The following ALAS1 variants were observed in gnomAD, a reference collection of about 807,000 sequenced individuals.
ALAS1 encodes 5-aminolevulinate synthase, non-specific, mitochondrial.
ALAS1 carries 29 observed loss-of-function variants against 59.6 expected under a neutral mutation model. The ratio of observed to expected loss-of-function variants is 0.49; its 90% CI spans 0.36 to 0.66. ALAS1 has a LOEUF of 0.66. ALAS1 is among the 30% of genes least tolerant of loss of function. The pLI is 0.00. For missense variants in ALAS1, 690 were observed against 807.5 expected (o/e 0.85, Z 1.76); for synonymous variants, 299 against 296.6 (o/e 1.01, Z -0.08).
chr3:52,203,825 A>C (rs752086863), intron 4 of ALAS1, 38 bp from the exon 5 acceptor site: 104 of 1,544,994 alleles, frequency 6.7e-5, no homozygotes, highest in Non-Finnish European at 2.9e-5. Flanking sequence ...TCAGAATAGA[A>C]AGTTGGTCCC....
chr3:52,203,991 C>T lies in ALAS1; in HGVS notation c.556C>T (p.Leu186Phe). 6.2e-7 allele frequency: 1 copy of T among 1,606,480 alleles called. No homozygotes were observed. The highest frequency in any genetic ancestry group is 8.5e-7 in the Non-Finnish European group (1 of 1,176,940). The part of the protein sequence containing the change: ...KQRPERVSHL[L>F]QDNLPKSVST... The stretch of plus-strand genomic sequence containing the variant: ...AAGACCAGAAAGAGTGTCTCATCTT[C>T]TTCAAGATAACTTGCCAAAATGTAA... Residue 186 changes from leucine to phenylalanine, a missense_variant, in exon 5 of 12, where the codon CTT becomes TTT. By Grantham distance (22) the Leu-to-Phe change is conservative (BLOSUM62 0). Transcript: ENST00000484952.
chr3:52,210,754 G>A (rs990038949), intron 9 of ALAS1, among the ~76,000 whole-genome samples: 17 of 152,040 alleles, frequency 1.1e-4, no homozygotes, highest in Non-Finnish European at 2.4e-4. Flanking sequence ...ACTCCAGCCT[G>A]GGTGACAGAG....
At chr3:52,204,041 A>G in intron 5 of ALAS1, 29 bp downstream of exon 5, 4 of 1,579,456 alleles carry the variant, frequency 2.5e-6, no homozygotes, top group Non-Finnish European at 3.4e-6. Context: ...TGCCTGATGT[A>G]GAAAAGAATT....
intron 3 of ALAS1, among the ~76,000 whole-genome samples, chr3:52,200,845 CG>C (rs908024138): frequency 7.3e-4 from 111 of 152,124 alleles, no homozygotes; most frequent in African/African-American, 2.6e-3. Flanking sequence ...TTTTCTTAGG[CG>C]TGTTCTCTGG....
intron 8 of ALAS1, 59 bp downstream of exon 8, chr3:52,206,810 T>TAAA: frequency 6.5e-7 from 1 of 1,537,504 alleles, no homozygotes; most frequent in Non-Finnish European, 8.8e-7. Context: ...CTGAACTCTT[T>TAAA]AAAAGTATGG....
chr3:52,210,983 A>G (rs1699392379), intron 9 of ALAS1, among the ~76,000 whole-genome samples: 1 of 152,268 alleles, frequency 6.6e-6, no homozygotes, highest in African/African-American at 2.4e-5. Flanking sequence ...AACCTGTACA[A>G]CATGTTACTG....
At chr3:52,213,151 G>A (rs1462182326) in intron 11 of ALAS1, among the ~76,000 whole-genome samples, 3 of 152,142 alleles carry the variant, frequency 2.0e-5, no homozygotes, top group African/African-American at 7.2e-5. Flanking sequence ...AATCGCCTCT[G>A]ATAAGAGGAA....
At chr3:52,203,553 AC>A (rs1156873218) in intron 4 of ALAS1, among the ~76,000 whole-genome samples, 3 of 151,732 alleles carry the variant, frequency 2.0e-5, no homozygotes, top group African/African-American at 7.3e-5. Flanking sequence ...AAAAAAAAAA[AC>A]AGAAAATTGA....
intron 11 of ALAS1, among the ~76,000 whole-genome samples, chr3:52,213,703 G>A (rs1699458774): frequency 6.6e-6 from 1 of 152,114 alleles, no homozygotes; most frequent in South Asian, 2.1e-4. Context: ...GCCTTTTCTG[G>A]ACCTTGTGTC....
In ALAS1 at chr3:52,212,392, C is replaced by T. The variant is rs759796293; in HGVS notation, c.1734C>T (p.His578=). The T allele has an allele frequency of 6.2e-7, 1 of 1,614,106 alleles. No individual in the cohort carries two copies. Among genetic ancestry groups the T allele is most frequent in the Non-Finnish European group, 8.5e-7 (1 of 1,180,034 alleles). Residue 578 remains histidine, a synonymous_variant, in exon 11 of 12, where the codon CAC becomes CAT. Transcript: ENST00000484952. ...TACGGATTGCCCCCACCCCTCACCA[C>T]ACACCCCAGATGATGAACTACTTCC... ...ELLRIAPTPH[H]TPQMMNYFLE...
chr3:52,198,681 G>A lies in ALAS1; in HGVS notation c.-200G>A, dbSNP rs986757631. On this transcript the variant is annotated 5_prime_UTR_variant, in exon 2 of 12. Coordinates refer to ENST00000484952, the MANE Select transcript of ALAS1 (RefSeq NM_000688.6). ...GCCCCTCCTTTCTCAGTTATGCCCA[G>A]TTCTTCCCGCTGTGGGGACACGACC... The A allele has an allele frequency of 7.6e-6, 7 of 926,750 alleles. No individual in the cohort carries two copies. Among genetic ancestry groups the A allele is most frequent in the Admixed American group, 4.2e-5 (2 of 47,934 alleles). 57.4% of individuals were successfully genotyped at this position (926,750 alleles called of 1,614,324 possible).
intron 11 of ALAS1, among the ~76,000 whole-genome samples, chr3:52,212,883 T>C (rs532943804): frequency 6.6e-6 from 1 of 152,256 alleles, no homozygotes; most frequent in Admixed American, 6.5e-5. Flanking sequence ...TTCAAAACCC[T>C]AAAAGGTATT....
rs1577965545 is a variant in ALAS1 at position 52,204,744 on chromosome 3, A to G, written c.629A>G (p.Lys210Arg). Residue 210 changes from lysine (K) to arginine (R), a missense_variant, in exon 6 of 12, where the codon AAA becomes AGA. Lys to Arg is a conservative substitution (Grantham distance 26). Transcript: ENST00000484952. ...TTCTTTGAGAAAAAAATTGATGAGA[A>G]AAAGAATGACCACACCTATCGAGTT... ...DRFFEKKIDE[K>R]KNDHTYRVFK... The G allele has an allele frequency of 1.4e-5, 22 of 1,614,192 alleles. No homozygotes were observed. Among genetic ancestry groups the G allele is most frequent in the Non-Finnish European group, 1.8e-5 (21 of 1,180,048 alleles).
In ALAS1 at chr3:52,212,384, C is replaced by T; in HGVS notation, c.1726C>T (p.Pro576Ser). Reference sequence around the variant, plus strand: ...AGAGCTCCTACGGATTGCCCCCACCCCTCACCACACACCCCAGATGATGAA... The same window carrying T: ...AGAGCTCCTACGGATTGCCCCCACCTCTCACCACACACCCCAGATGATGAA... Reference protein sequence around the residue: ...GEELLRIAPTPHHTPQMMNYF... With the variant: ...GEELLRIAPTSHHTPQMMNYF... Residue 576 changes from proline (P) to serine (S), a missense_variant, in exon 11 of 12, where the codon CCT (proline) becomes TCT (serine). Physicochemically the swap from Pro to Ser is moderately conservative, Grantham distance 74 (BLOSUM62 -1). Coordinates refer to ENST00000484952, the MANE Select transcript of ALAS1 (RefSeq NM_000688.6). The T allele has an allele frequency of 4.3e-6, 7 of 1,614,120 alleles. No homozygotes were observed. Among genetic ancestry groups the T allele is most frequent in the East Asian group, 2.2e-5 (1 of 44,878 alleles).
In ALAS1 at chr3:52,211,442, G is replaced by A. The variant is rs1251801255; in HGVS notation, c.1490G>A (p.Gly497Glu). The part of the protein sequence containing the change: ...ESVRILKSAE[G>E]RVLRRQHQRN... The stretch of plus-strand genomic sequence containing the variant: ...GTGCGGATCCTGAAGAGCGCTGAGG[G>A]ACGGGTGCTTCGCCGCCAGCACCAG... Residue 497 changes from glycine to glutamate, a missense_variant, in exon 10 of 12, where the codon GGA (glycine) becomes GAA (glutamate). Transcript: ENST00000484952. 1 of 1,614,116 alleles carries A rather than the reference G, an allele frequency of 6.2e-7. No individual in the cohort carries two copies. The highest frequency in any genetic ancestry group is 8.5e-7 in the Non-Finnish European group (1 of 1,180,048).
chr3:52,199,845 T>C (rs181274), intron 3 of ALAS1, among the ~76,000 whole-genome samples: 2 of 152,028 alleles, frequency 1.3e-5, no homozygotes, highest in Non-Finnish European at 2.9e-5. Context: ...TTTTTGAGAC[T>C]GAGTCTTGCT....
At chr3:52,208,385 T>C in intron 9 of ALAS1, 138 bp downstream of exon 9, 1 of 933,042 alleles carries the variant, frequency 1.1e-6, no homozygotes, top group Non-Finnish European at 1.6e-6. Flanking sequence ...TTGGCCCAGC[T>C]TAGTGGAATC....
chr3:52,198,675 T>C lies in ALAS1; in HGVS notation c.-206T>C, dbSNP rs577838665. ...ATTTGTGCCCCTCCTTTCTCAGTTA[T>C]GCCCAGTTCTTCCCGCTGTGGGGAC... On this transcript the variant is annotated 5_prime_UTR_variant, in exon 2 of 12. The change abolishes an upstream ATG in the 5' untranslated region. Coordinates refer to ENST00000484952, the MANE Select transcript of ALAS1 (RefSeq NM_000688.6). The C allele has an allele frequency of 2.4e-6, 2 of 849,826 alleles. No homozygotes were observed. The highest frequency in any genetic ancestry group is 2.6e-5 in the East Asian group (1 of 37,868). 52.6% of individuals were successfully genotyped at this position (849,826 alleles called of 1,614,324 possible).
chr3:52,203,186 C>A (rs1391166927), intron 4 of ALAS1, among the ~76,000 whole-genome samples: 1 of 152,198 alleles, frequency 6.6e-6, no homozygotes, highest in Non-Finnish European at 1.5e-5. Flanking sequence ...GAACTCAAGG[C>A]TCCCCAAAAG....
Sources: allele counts gnomAD v4.1 joint callset (sites outside exome capture counted in the v4.1 genomes callset), GRCh38; gene constraint gnomAD v4.1.1; transcripts MANE v1.5; gene names NCBI Gene and HGNC (gene_info 2026-07-23, HGNC 2026-07-21).